Variants in KIAA1217 observed in about 807,000 individuals in gnomAD.
The protein encoded by KIAA1217 is sickle tail protein homolog.
Under a neutral mutation model 163.9 loss-of-function variants are expected in KIAA1217, and 88 were observed. That is an observed-to-expected ratio of 0.54 (90% confidence interval 0.45 to 0.64). The LOEUF is 0.64. Among genes scored for constraint, KIAA1217 ranks in the 30% least tolerant of loss-of-function variants. The pLI, the probability that KIAA1217 is intolerant of heterozygous loss-of-function variation, is 0.00. For synonymous variants in KIAA1217, 903 were observed against 923.1 expected, an observed-to-expected ratio of 0.98 and a Z score of 0.39; for missense variants, 2,372 against 2,475.0, an observed-to-expected ratio of 0.96 and a Z score of 0.88.
At chr10:23,788,444 T>TAA (rs1028444680) in intron 1 of KIAA1217, among the ~76,000 whole-genome samples, 1 of 152,182 alleles carries the variant, frequency 6.6e-6, no homozygotes, top group African/African-American at 2.4e-5. Context: ...TTTTAATTCC[T>TAA]ATCCAGTACC....
At chr10:23,884,858 C>T (rs1841103396) in intron 1 of KIAA1217, among the ~76,000 whole-genome samples, 1 of 151,900 alleles carries the variant, frequency 6.6e-6, no homozygotes, top group Admixed American at 6.6e-5. Context: ...GGGTCTGGCA[C>T]CTGGTAATTC....
intron 1 of KIAA1217, among the ~76,000 whole-genome samples, chr10:23,737,291 C>T (rs1018731916): frequency 5.9e-5 from 9 of 152,208 alleles, no homozygotes; most frequent in East Asian, 5.8e-4. Flanking sequence ...CTCTGCCTCC[C>T]AGGTTCAAGC....
At chr10:23,807,845 T>A (rs1836814148) in intron 1 of KIAA1217, among the ~76,000 whole-genome samples, 1 of 152,182 alleles carries the variant, frequency 6.6e-6, no homozygotes. Context: ...CAATAAAAGA[T>A]GTAGGCTCTA....
At chr10:24,293,889 C>G (rs77555185) in intron 2 of KIAA1217, among the ~76,000 whole-genome samples, 2,579 of 152,244 alleles carry the variant, frequency 0.017, 67 homozygotes, top group African/African-American at 0.058. Flanking sequence ...AGGTCTCCGA[C>G]CGACGTCTTT....
intron 19 of KIAA1217, 109 bp downstream of exon 19, chr10:24,544,590 T>A: frequency 3.6e-6 from 1 of 279,720 alleles, no homozygotes; most frequent in Non-Finnish European, 5.3e-6. Flanking sequence ...TTCAGGTGGC[T>A]TTTTTTTTTT....
intron 2 of KIAA1217, among the ~76,000 whole-genome samples, chr10:24,377,178 C>T (rs990203743): frequency 6.6e-6 from 1 of 152,076 alleles, no homozygotes; most frequent in Non-Finnish European, 1.5e-5. Context: ...ACAGACCACC[C>T]CCTTCATGCA....
intron 1 of KIAA1217, among the ~76,000 whole-genome samples, chr10:23,934,334 G>A (rs1843381498): frequency 6.6e-6 from 1 of 150,398 alleles, no homozygotes; most frequent in Admixed American, 6.7e-5. Context: ...TGAACATTGA[G>A]AACACACGGA....
chr10:24,317,275 G>T (rs896126022), intron 2 of KIAA1217, among the ~76,000 whole-genome samples: 1 of 151,938 alleles, frequency 6.6e-6, no homozygotes, highest in Non-Finnish European at 1.5e-5. Flanking sequence ...ATTTTATTTT[G>T]TTACTTTTTA....
At chr10:23,930,398 A>G (rs1843209989) in intron 1 of KIAA1217, among the ~76,000 whole-genome samples, 1 of 152,192 alleles carries the variant, frequency 6.6e-6, no homozygotes, top group Non-Finnish European at 1.5e-5. Flanking sequence ...AAGCTAAAAA[A>G]TTGTCGAAAG....
chr10:24,191,054 C>T (rs2130465025), intron 2 of KIAA1217, among the ~76,000 whole-genome samples: 1 of 152,090 alleles, frequency 6.6e-6, no homozygotes, highest in Non-Finnish European at 1.5e-5. Flanking sequence ...ATTAGCTGGG[C>T]AAGGTGGTGC....
intron 1 of KIAA1217, among the ~76,000 whole-genome samples, chr10:23,781,163 T>C (rs1835240894): frequency 6.6e-6 from 1 of 152,226 alleles, no homozygotes; most frequent in African/African-American, 2.4e-5. Flanking sequence ...GTTCTGTTTT[T>C]AACTTTTTGA....
Position 24,532,957 on chromosome 10 carries a change from G to A in KIAA1217, c.3247-113G>A, listed in dbSNP as rs1440813436. 15 of 889,606 alleles carry A rather than the reference G, an allele frequency of 1.7e-5. No individual in the cohort carries two copies. In the East Asian group the frequency reaches 4.2e-4, roughly 25 times the overall value. 55.1% of individuals were successfully genotyped at this position (889,606 alleles called of 1,614,324 possible). ...AAATAGCCTTTCAGCTATTTTCTCA[G>A]CTAAGATCTAGGAAGCAAGTGTTCT... is the stretch of plus-strand genomic sequence containing the variant. On this transcript the variant is annotated intron_variant, in intron 15 of 20. Transcript: ENST00000376454.
chr10:24,416,047 G>C (rs1435493954), intron 3 of KIAA1217, among the ~76,000 whole-genome samples: 1 of 152,172 alleles, frequency 6.6e-6, no homozygotes, highest in East Asian at 1.9e-4. Context: ...ATTTGCCTGA[G>C]AGTGTCCCCA....
At chr10:24,081,812 A>C (rs11013888) in intron 2 of KIAA1217, among the ~76,000 whole-genome samples, 4,067 of 152,302 alleles carry the variant, frequency 0.027, 77 homozygotes, top group Middle Eastern at 0.085. Flanking sequence ...CTGGGGACTG[A>C]GGGTTAGACA....
At chr10:23,821,104 C>CGTGCGT (rs370816555) in intron 1 of KIAA1217, among the ~76,000 whole-genome samples, 3 of 143,130 alleles carry the variant, frequency 2.1e-5, no homozygotes, top group African/African-American at 7.6e-5. Flanking sequence ...TGTGTGTGTG[C>CGTGCGT]GTGTGTGTGT....
chr10:24,244,057 C>A (rs754760739), intron 2 of KIAA1217, among the ~76,000 whole-genome samples: 11 of 152,190 alleles, frequency 7.2e-5, no homozygotes, highest in Middle Eastern at 6.3e-3. Context: ...GTAGCACAGG[C>A]TTTCCACTGA....
chr10:24,517,827 T>G (rs2070439348), intron 10 of KIAA1217, among the ~76,000 whole-genome samples: 1 of 152,050 alleles, frequency 6.6e-6, no homozygotes, highest in African/African-American at 2.4e-5. Context: ...AATCCCTATC[T>G]CTACTGAAAA....
intron 2 of KIAA1217, among the ~76,000 whole-genome samples, chr10:24,066,546 C>T (rs2060955603): frequency 6.6e-6 from 1 of 152,136 alleles, no homozygotes. Flanking sequence ...TTGTGGGTGA[C>T]CTGACCTTCC....
chr10:24,099,487 A>G (rs2062309419), intron 2 of KIAA1217, among the ~76,000 whole-genome samples: 1 of 150,776 alleles, frequency 6.6e-6, no homozygotes, highest in Admixed American at 6.6e-5. Flanking sequence ...TTCCAGCTTC[A>G]TCTATGTGGC....
Sources: gnomAD v4.1 joint callset for allele counts (sites outside exome capture counted in the v4.1 genomes callset) on GRCh38, gnomAD v4.1.1 for gene constraint, MANE v1.5 for transcripts, NCBI Gene and HGNC (gene_info 2026-07-23, HGNC 2026-07-21) for gene names.